The following NDUFAF6 variants were observed in gnomAD, a reference collection of about 807,000 sequenced individuals.
NDUFAF6 encodes NADH dehydrogenase (ubiquinone) complex I, assembly factor 6.
A neutral mutation model predicts 40.8 loss-of-function variants in NDUFAF6; 45 were observed. The ratio of observed to expected loss-of-function variants is 1.10; its 90% confidence interval spans 0.87 to 1.42. The LOEUF (loss-of-function observed/expected upper bound fraction) is 1.42, where lower values mean the gene tolerates loss of function less well. Ranked by LOEUF, NDUFAF6 falls within the 40% of genes most tolerant of loss-of-function variation. NDUFAF6 has a pLI of 0.00. For missense variants in NDUFAF6, 435 were observed against 418.5 expected, an observed-to-expected ratio of 1.04 and a Z score of -0.34; for synonymous variants, 185 against 155.9, an observed-to-expected ratio of 1.19 and a Z score of -1.39.
intron 2 of NDUFAF6, among the ~76,000 whole-genome samples, chr8:95,009,571 G>A (rs996476905): frequency 2.1e-4 from 32 of 152,166 alleles, no homozygotes; most frequent in Non-Finnish European, 3.1e-4. Context: ...TAACAGCAAC[G>A]GAGAAAGGTT....
intron 1 of NDUFAF6, chr8:94,941,061 CT>C: frequency 1.5e-6 from 1 of 683,038 alleles, no homozygotes; most frequent in Non-Finnish European, 2.5e-6. Context: ...GCTTATTCAA[CT>C]TAGGTGAAAA....
chr8:94,897,768 A>G (rs1817745193), intron 1 of NDUFAF6, among the ~76,000 whole-genome samples: 1 of 134,302 alleles, frequency 7.4e-6, no homozygotes, highest in African/African-American at 2.9e-5. Context: ...TCCCTGTGCT[A>G]CAGTTATGCT....
chr8:94,979,996 C>T (rs773697474), intron 1 of NDUFAF6, among the ~76,000 whole-genome samples: 26 of 151,756 alleles, frequency 1.7e-4, no homozygotes, highest in Non-Finnish European at 2.6e-4. Flanking sequence ...ACTCGGGAGG[C>T]TGAAGTAGGA....
chr8:95,032,016 T>G lies in NDUFAF6; in HGVS notation c.219T>G (p.Tyr73Ter), dbSNP rs1339602094. 1.2e-6 allele frequency: 2 copies of G among 1,613,862 alleles called. No homozygotes were observed. Among genetic ancestry groups the G allele is most frequent in the Non-Finnish European group, 1.7e-6 (2 of 1,179,822 alleles). Reference sequence around the variant, plus strand: ...ACAGGAAACGGGATTATGAAGGTTATTTATGCTCCCTGCTGCTCCCTGCAG... The same window carrying G: ...ACAGGAAACGGGATTATGAAGGTTAGTTATGCTCCCTGCTGCTCCCTGCAG... Reference protein sequence around the residue: ...ELLRKRDYEGYLCSLLLPAES... With the variant: ...ELLRKRDYEG Residue 73 changes from tyrosine to a stop codon, truncating the protein, a stop_gained, in exon 2 of 9, where the codon TAT (tyrosine) becomes TAG (stop). Coordinates refer to ENST00000396124, the MANE Select transcript of NDUFAF6 (RefSeq NM_152416.4). LOFTEE classifies it high-confidence loss of function.
At chr8:94,948,808 G>A (rs1822259644) in intron 2 of NDUFAF6, among the ~76,000 whole-genome samples, 1 of 152,038 alleles carries the variant, frequency 6.6e-6, no homozygotes, top group African/African-American at 2.4e-5. Flanking sequence ...TCCCGCCGCG[G>A]CCAAGAAAAC....
chr8:94,934,959 G>A (rs1447875946), intron 1 of NDUFAF6, among the ~76,000 whole-genome samples: 2 of 152,068 alleles, frequency 1.3e-5, no homozygotes, highest in East Asian at 1.9e-4. Context: ...TTTGGTACAA[G>A]CAAAATGAAA....
Position 95,057,814 on chromosome 8 carries a change from T to C in NDUFAF6, c.879T>C (p.Ser293=). The C allele has an allele frequency of 8.1e-6, 13 of 1,611,996 alleles. No individual in the cohort carries two copies. Among genetic ancestry groups the C allele is most frequent in the Non-Finnish European group, 1.0e-5 (12 of 1,178,466 alleles). ...KAFPAFLQTV[S]LEDFLKKIQR... is the part of the protein sequence containing the mutation. Reference sequence around the variant, plus strand: ...CACTATTCTCTTTTTTCCAGGTTTCTCTAGAGGACTTTCTAAAGAAAATTC... The same window carrying C: ...CACTATTCTCTTTTTTCCAGGTTTCCCTAGAGGACTTTCTAAAGAAAATTC... Residue 293 remains serine (S), a synonymous_variant, in exon 9 of 9, where the codon TCT becomes TCC. Coordinates refer to ENST00000396124, the MANE Select transcript of NDUFAF6 (RefSeq NM_152416.4).
At chr8:94,961,344 G>GTTTCAACATGT (rs1285828089) in intron 1 of NDUFAF6, among the ~76,000 whole-genome samples, 1 of 152,226 alleles carries the variant, frequency 6.6e-6, no homozygotes, top group African/African-American at 2.4e-5. Flanking sequence ...ATGACTTACA[G>GTTTCAACATGT]TTTCAACATG....
At chr8:94,951,713 C>T (rs73274746) in intron 2 of NDUFAF6, among the ~76,000 whole-genome samples, 4,359 of 152,294 alleles carry the variant, frequency 0.029, 206 homozygotes, top group African/African-American at 0.098. Flanking sequence ...AGCAAACTGA[C>T]TTTTAGTCAA....
intron 2 of NDUFAF6, among the ~76,000 whole-genome samples, chr8:94,983,772 A>G (rs961715798): frequency 5.3e-5 from 8 of 152,322 alleles, no homozygotes; most frequent in African/African-American, 1.9e-4. Context: ...GGTGGTGTGC[A>G]TCCAGAGAGT....
intron 2 of NDUFAF6, among the ~76,000 whole-genome samples, chr8:95,081,846 G>A (rs1043566616): frequency 5.3e-5 from 8 of 151,848 alleles, no homozygotes; most frequent in Middle Eastern, 3.4e-3. Flanking sequence ...CGGATCATGA[G>A]GTCAGGAGAT....
At chr8:95,030,897 C>T (rs1435023361) in intron 1 of NDUFAF6, among the ~76,000 whole-genome samples, 5 of 152,144 alleles carry the variant, frequency 3.3e-5, no homozygotes, top group South Asian at 2.1e-4. Context: ...TGGCAGAAGA[C>T]GAAGGGGAGC....
chr8:95,076,873 C>CA (rs35168202), downstream of NDUFAF6, among the ~76,000 whole-genome samples: 20,484 of 128,924 alleles, frequency 0.16, 1,777 homozygotes, highest in Middle Eastern at 0.25. Flanking sequence ...AACTCCGTCT[C>CA]AAAAAAAAAA....
At chr8:95,007,734 T>C (rs2131664523) in intron 2 of NDUFAF6, among the ~76,000 whole-genome samples, 1 of 150,924 alleles carries the variant, frequency 6.6e-6, no homozygotes, top group East Asian at 2.0e-4. Context: ...CTCAATTTTA[T>C]GTATTTATTT....
At chr8:94,917,605 CAAAG>C (rs1247008515) in intron 1 of NDUFAF6, among the ~76,000 whole-genome samples, 10 of 152,086 alleles carry the variant, frequency 6.6e-5, no homozygotes, top group Non-Finnish European at 1.2e-4. Flanking sequence ...AATTCAACCA[CAAAG>C]AATCTCTCAG....
At chr8:95,075,551 A>G in intron 9 of NDUFAF6, 1 of 1,163,774 alleles carries the variant, frequency 8.6e-7, no homozygotes, top group Non-Finnish European at 1.1e-6. Context: ...GGCCAACCAT[A>G]AGCATCTCTC....
chr8:94,951,973 C>T (rs1382087523), intron 2 of NDUFAF6, among the ~76,000 whole-genome samples: 3 of 152,256 alleles, frequency 2.0e-5, no homozygotes, highest in Non-Finnish European at 4.4e-5. Flanking sequence ...CCTGCCTGGG[C>T]AGATCCAGTG....
At chr8:94,903,975 T>TG (rs1394332371) in intron 1 of NDUFAF6, among the ~76,000 whole-genome samples, 3 of 152,140 alleles carry the variant, frequency 2.0e-5, no homozygotes, top group Non-Finnish European at 4.4e-5. Flanking sequence ...AGAGCACCTC[T>TG]GACCTGCCCC....
chr8:95,020,617 T>C (rs1490963135), upstream of NDUFAF6, among the ~76,000 whole-genome samples: 2 of 152,220 alleles, frequency 1.3e-5, no homozygotes, highest in African/African-American at 4.8e-5. Flanking sequence ...GTTTGTGCAG[T>C]GCACACACTG....
Sources: allele counts gnomAD v4.1 joint callset (sites outside exome capture counted in the v4.1 genomes callset), GRCh38; gene constraint gnomAD v4.1.1; transcripts MANE v1.5; gene names NCBI Gene and HGNC (gene_info 2026-07-23, HGNC 2026-07-21).